Variants in RHPN2 observed in about 807,000 individuals in gnomAD.
RHPN2 encodes rhophilin-2.
RHPN2 carries 40 observed loss-of-function variants against 79.0 expected under a neutral mutation model. The ratio of observed to expected loss-of-function variants is 0.51; its 90% CI spans 0.39 to 0.66. RHPN2 has a LOEUF of 0.66. Ranked by LOEUF, RHPN2 falls within the 30% of genes least tolerant of loss-of-function variation. The pLI is 0.00. For missense variants in RHPN2, 686 were observed against 883.5 expected, an observed-to-expected ratio of 0.78 and a Z score of 2.83; for synonymous variants, 285 against 363.5, an observed-to-expected ratio of 0.78 and a Z score of 2.46.
At chr19:33,008,319 A>T in intron 6 of RHPN2, 139 bp from the exon 7 acceptor site, 4 of 813,520 alleles carry the variant, frequency 4.9e-6, no homozygotes, top group Non-Finnish European at 7.7e-6. Flanking sequence ...TGGTGTGATC[A>T]TAGCTTACTG....
intron 7 of RHPN2, among the ~76,000 whole-genome samples, chr19:33,004,775 C>T (rs1212794414): frequency 3.3e-5 from 5 of 151,512 alleles, no homozygotes; most frequent in Admixed American, 1.3e-4. Context: ...TTAGTACAGA[C>T]GGGGTTTCAC....
chr19:33,031,266 T>TTCTAC (rs1390070091), intron 2 of RHPN2, among the ~76,000 whole-genome samples: 1 of 137,138 alleles, frequency 7.3e-6, no homozygotes, highest in East Asian at 2.1e-4. Context: ...CTCTATTCTA[T>TTCTAC]TCTATTATTT....
At chr19:32,993,912 C>A (rs1448617190) in intron 12 of RHPN2, 65 bp downstream of exon 12, 9 of 1,202,802 alleles carry the variant, frequency 7.5e-6, no homozygotes, top group Non-Finnish European at 9.9e-6. Context: ...GACTAAGACA[C>A]CATACTCGCC....
In RHPN2 at chr19:33,046,839, ATCAAT is replaced by A. The variant is rs554638308; in HGVS notation, c.70-2480_70-2476del. ...AACTGTATATCTTCTTCGAAGAAAT[ATCAAT>A]TCAGATCCTTTGCCCATTTTTTTTT... On this transcript the variant is annotated intron_variant, in intron 1 of 14. Transcript: ENST00000254260. 5.7e-3 allele frequency among the ~76,000 whole-genome samples: 868 copies of A among 151,932 alleles called. 6 individuals are homozygous for A. Among genetic ancestry groups the A allele is most frequent in the African/African-American group, 0.02 (843 of 41,262 alleles).
intron 14 of RHPN2, among the ~76,000 whole-genome samples, chr19:32,986,230 T>G (rs1214715635): frequency 6.6e-6 from 1 of 152,190 alleles, no homozygotes; most frequent in African/African-American, 2.4e-5. Flanking sequence ...TGTAACGATG[T>G]CACAGGCTTG....
chr19:33,011,388 C>A (rs1227415834), intron 6 of RHPN2, among the ~76,000 whole-genome samples: 1 of 152,152 alleles, frequency 6.6e-6, no homozygotes, highest in Non-Finnish European at 1.5e-5. Context: ...CACTTCAGAG[C>A]CCCCGTGCTT....
At chr19:33,029,950 C>T (rs572548201) in intron 2 of RHPN2, among the ~76,000 whole-genome samples, 14 of 152,260 alleles carry the variant, frequency 9.2e-5, no homozygotes, top group South Asian at 2.1e-4. Context: ...TCAGAGACTC[C>T]GTGTCCAGGG....
intron 3 of RHPN2, among the ~76,000 whole-genome samples, chr19:33,024,792 GT>G (rs1481196750): frequency 6.6e-6 from 1 of 152,144 alleles, no homozygotes; most frequent in Non-Finnish European, 1.5e-5. Flanking sequence ...TTGTTTTTGT[GT>G]TTTTTGAGAC....
At chr19:33,020,315 A>T (rs1221143769) in intron 4 of RHPN2, among the ~76,000 whole-genome samples, 1 of 146,960 alleles carries the variant, frequency 6.8e-6, no homozygotes, top group Admixed American at 6.9e-5. Context: ...GATAATAGCC[A>T]TTACTTTCGT....
chr19:33,012,605 G>A (rs769743827), intron 5 of RHPN2, 42 bp downstream of exon 5: 12 of 1,315,040 alleles, frequency 9.1e-6, no homozygotes, highest in Middle Eastern at 1.8e-4. Flanking sequence ...CTGAAGACTC[G>A]GAAAAGCCAC....
At chr19:33,052,975 C>CT (rs34864343) in intron 1 of RHPN2, among the ~76,000 whole-genome samples, 23,474 of 146,378 alleles carry the variant, frequency 0.16, 1,961 homozygotes, top group East Asian at 0.3. Flanking sequence ...TGCTGAATAA[C>CT]TTTTTTTTTT....
At chr19:33,009,183 C>T (rs1265574523) in intron 6 of RHPN2, among the ~76,000 whole-genome samples, 1 of 152,058 alleles carries the variant, frequency 6.6e-6, no homozygotes, top group African/African-American at 2.4e-5. Context: ...AGGTGGATCA[C>T]TGTCATTCTA....
At chr19:33,012,038 CTT>C (rs34140133) in intron 5 of RHPN2, among the ~76,000 whole-genome samples, 73 of 126,348 alleles carry the variant, frequency 5.8e-4, no homozygotes, top group South Asian at 1.8e-3. Flanking sequence ...GGTTTTCCTT[CTT>C]TTTTTTTTTT....
chr19:33,063,808 A>ACCCGCCACCCGCCG (rs1555715762), intron 1 of RHPN2, among the ~76,000 whole-genome samples: 6 of 131,248 alleles, frequency 4.6e-5, no homozygotes, highest in Middle Eastern at 3.6e-3. Context: ...GGCACCCGCC[A>ACCCGCCACCCGCCG]CCCGCCGCCC....
At position 32,990,813 on chromosome 19, in the gene RHPN2, T is replaced by C. The variant is rs1290004130; in HGVS notation, c.1645-144A>G. ...GGGTGGCTGAGACGGGTAGATCACT[T>C]GAGGTCAGTAGTTCAAGACCAGCCT... On this transcript the variant is annotated intron_variant, in intron 13 of 14. Coordinates refer to ENST00000254260, the MANE Select transcript of RHPN2 (RefSeq NM_033103.5). The C allele has an allele frequency of 1.2e-5, 10 of 806,090 alleles. No individual in the cohort carries two copies. The East Asian group carries it at 2.7e-4, about 22-fold the overall frequency. The allele number at this position is 806,090 out of a possible 1,614,324, so 49.9% of individuals were successfully genotyped here. A position where few individuals can be genotyped will look rare whatever the true frequency, so the allele number is the denominator to read the frequency against.
intron 3 of RHPN2, 130 bp downstream of exon 3, chr19:33,026,374 C>T (rs1187293383): frequency 8.2e-7 from 1 of 1,218,756 alleles, no homozygotes; most frequent in Non-Finnish European, 1.2e-6. Context: ...CCTGATGGTT[C>T]TCTCACTTCC....
chr19:32,992,056 A>G, intron 12 of RHPN2, 87 bp from the exon 13 acceptor site: 2 of 1,485,384 alleles, frequency 1.3e-6, no homozygotes, highest in Non-Finnish European at 1.9e-6. Flanking sequence ...GCTGTCCTTG[A>G]AGATCTCACT....
intron 2 of RHPN2, among the ~76,000 whole-genome samples, chr19:33,040,463 C>A (rs1230425400): frequency 1.3e-5 from 2 of 151,966 alleles, no homozygotes; most frequent in Admixed American, 6.6e-5. Flanking sequence ...TGGTCTCGAT[C>A]TCTTGACCTT....
chr19:32,995,053 G>A (rs1253640093), intron 11 of RHPN2, among the ~76,000 whole-genome samples: 1 of 152,090 alleles, frequency 6.6e-6, no homozygotes, highest in Admixed American at 6.6e-5. Context: ...ACAGTCCTGG[G>A]ATACCGTGCT....
Sources: allele counts gnomAD v4.1 joint callset (sites outside exome capture counted in the v4.1 genomes callset), GRCh38; gene constraint gnomAD v4.1.1; transcripts MANE v1.5; gene names NCBI Gene and HGNC (gene_info 2026-07-23, HGNC 2026-07-21).